PSMF1: variants seen among roughly 807,000 people sequenced by gnomAD.
PSMF1 encodes the protein proteasome inhibitor subunit 1.
In PSMF1, 30 loss-of-function variants were observed where a neutral mutation model predicts 29.3. The ratio of observed to expected loss-of-function variants is 1.02; its 90% CI spans 0.77 to 1.39. The LOEUF is 1.39. Ranked by LOEUF, PSMF1 falls within the 40% of genes most tolerant of loss-of-function variation. The pLI is 0.00. For synonymous variants in PSMF1, 134 were observed against 139.7 expected, an observed-to-expected ratio of 0.96 and a Z score of 0.29; for missense variants, 344 against 357.5, an observed-to-expected ratio of 0.96 and a Z score of 0.31.
At chr20:1,126,739 C>T (rs965216800) in intron 2 of PSMF1, among the ~76,000 whole-genome samples, 1 of 152,006 alleles carries the variant, frequency 6.6e-6, no homozygotes, top group African/African-American at 2.4e-5. Flanking sequence ...CTTAGCCGGG[C>T]GTGGTCGTGG....
chr20:1,138,023 A>G (rs2122520131), intron 4 of PSMF1, among the ~76,000 whole-genome samples: 1 of 152,342 alleles, frequency 6.6e-6, no homozygotes, highest in African/African-American at 2.4e-5. Context: ...TCATGATACT[A>G]TTCTTACTAT....
chr20:1,116,452 T>C (rs977125742), upstream of PSMF1, among the ~76,000 whole-genome samples: 5 of 151,982 alleles, frequency 3.3e-5, no homozygotes, highest in African/African-American at 1.2e-4. Flanking sequence ...GCAGAAGGGG[T>C]TCAAGAATCT....
upstream of PSMF1, among the ~76,000 whole-genome samples, chr20:1,113,938 G>T (rs184796839): frequency 6.6e-6 from 1 of 152,074 alleles, no homozygotes; most frequent in Non-Finnish European, 1.5e-5. Flanking sequence ...TGATCCGCCC[G>T]CCTCAGCCTC....
chr20:1,125,496 A>T lies in PSMF1; in HGVS notation c.130-2A>T. 1.2e-6 allele frequency: 2 copies of T among 1,604,432 alleles called. No homozygotes were observed. The highest frequency in any genetic ancestry group is 1.7e-6 in the Non-Finnish European group (2 of 1,175,526). On this transcript the variant is annotated splice_acceptor_variant, in intron 1 of 6. Coordinates refer to ENST00000335877, the MANE Select transcript of PSMF1 (RefSeq NM_006814.5). LOFTEE classifies it high-confidence loss of function. ...TTCTCCTCTCAACTGTGGTCTTCCCAGCCGGGTCCCAATGATAAGAAGTCA... is the reference window on the plus strand; with the variant it reads ...TTCTCCTCTCAACTGTGGTCTTCCCTGCCGGGTCCCAATGATAAGAAGTCA...
chr20:1,169,355 C>T lies in PSMF1; in HGVS notation c.*4275C>T, dbSNP rs2086767207. Reference sequence around the variant, plus strand: ...TTTGAACACCTCACGAGTGGTAGTGCCCATGGGAGGTGCGAAGTGGAAGGC... The same window carrying T: ...TTTGAACACCTCACGAGTGGTAGTGTCCATGGGAGGTGCGAAGTGGAAGGC... On this transcript the variant is annotated 3_prime_UTR_variant, in exon 7 of 7. Transcript: ENST00000335877. Among the ~76,000 whole-genome samples the T allele has an allele frequency of 6.6e-6, 1 of 152,092 alleles. No individual in the cohort carries two copies. Among genetic ancestry groups the T allele is most frequent in the Non-Finnish European group, 1.5e-5 (1 of 68,008 alleles).
chr20:1,157,579 C>T (rs2086609386), intron 4 of PSMF1, among the ~76,000 whole-genome samples: 1 of 118,866 alleles, frequency 8.4e-6, no homozygotes, highest in South Asian at 2.8e-4. Flanking sequence ...AATGAAGATG[C>T]TTTCTTAATT....
intron 4 of PSMF1, among the ~76,000 whole-genome samples, chr20:1,152,940 G>A (rs902067455): frequency 2.0e-5 from 3 of 152,170 alleles, no homozygotes; most frequent in Non-Finnish European, 4.4e-5. Flanking sequence ...TGTTTCCTTA[G>A]AATAGATTCC....
intron 4 of PSMF1, among the ~76,000 whole-genome samples, chr20:1,148,339 C>G (rs780594397): frequency 2.6e-5 from 4 of 152,198 alleles, no homozygotes; most frequent in Admixed American, 6.5e-5. Flanking sequence ...TCCAGCCTAA[C>G]TTTTCATTAT....
chr20:1,118,563 G>C (rs1234339099), upstream of PSMF1: 6 of 502,194 alleles, frequency 1.2e-5, no homozygotes, highest in East Asian at 2.0e-4. Flanking sequence ...CCAACCCGGC[G>C]CGCCTCACGC....
rs552235484 is a variant in PSMF1, at chr20:1,165,136, G to A, written c.*56G>A. 118 of 1,613,450 alleles carry A rather than the reference G, an allele frequency of 7.3e-5. No homozygotes were observed. Among genetic ancestry groups the A allele is most frequent in the South Asian group, 9.9e-5 (9 of 90,970 alleles). On this transcript the variant is annotated 3_prime_UTR_variant, in exon 7 of 7. Coordinates refer to ENST00000335877, the MANE Select transcript of PSMF1 (RefSeq NM_006814.5). ...CCTCCATTCTCCTGGAGCTGCCACC[G>A]CTGTCCCCATCAGCAACCATGTTCT...
Position 1,135,108 on chromosome 20 carries a change from C to G in PSMF1, c.366-13C>G, listed in dbSNP as rs373752676. On this transcript the variant is annotated splice_polypyrimidine_tract_variant and intron_variant, in intron 3 of 6. Coordinates refer to ENST00000335877, the MANE Select transcript of PSMF1 (RefSeq NM_006814.5). ...CAACTGCAAGCAGTTGACTCTTCAT[C>G]TGCTTCCTGCAGGACCTACAAGAAC... The G allele has an allele frequency of 1.2e-6, 2 of 1,613,978 alleles. No individual in the cohort carries two copies. The highest frequency in any genetic ancestry group is 1.1e-5 in the South Asian group (1 of 91,078).
At position 1,118,626 on chromosome 20, in the gene PSMF1, C is replaced by G. The variant is rs1400833829; in HGVS notation, c.-148C>G. ...CGGCTTCCCCGCCCCGCCCCGTCCCCGGGCGTCTCCATTTTGGTCTCAGGT... is the reference window on the plus strand; with the variant it reads ...CGGCTTCCCCGCCCCGCCCCGTCCCGGGGCGTCTCCATTTTGGTCTCAGGT... On this transcript the variant is annotated 5_prime_UTR_variant, in exon 1 of 7. Transcript: ENST00000335877. The G allele has an allele frequency of 1.0e-5, 10 of 968,118 alleles. No homozygotes were observed. The highest frequency in any genetic ancestry group is 1.3e-5 in the Non-Finnish European group (9 of 688,726). The allele number at this position is 968,118 out of a possible 1,614,324, so 60.0% of individuals were successfully genotyped here. A position where few individuals can be genotyped will look rare whatever the true frequency, so the allele number is the denominator to read the frequency against.
intron 3 of PSMF1, chr20:1,134,828 T>C: frequency 4.3e-6 from 2 of 463,762 alleles, no homozygotes; most frequent in Non-Finnish European, 8.0e-6. Flanking sequence ...GACAGAGGAG[T>C]AGCCAATCCA....
intron 4 of PSMF1, among the ~76,000 whole-genome samples, chr20:1,149,765 G>A (rs557747190): frequency 6.6e-6 from 1 of 152,246 alleles, no homozygotes; most frequent in Non-Finnish European, 1.5e-5. Flanking sequence ...GCCAGGTGTG[G>A]TGGCCCACAC....
chr20:1,164,475 G>T lies in PSMF1; in HGVS notation c.763G>T (p.Gly255Ter). 1 of 1,614,062 alleles carries T rather than the reference G, an allele frequency of 6.2e-7. No individual in the cohort carries two copies. The highest frequency in any genetic ancestry group is 8.5e-7 in the Non-Finnish European group (1 of 1,179,968). Residue 255 changes from glycine to a stop codon, truncating the protein, a stop_gained and splice_region_variant, in exon 6 of 7, where the codon GGA (glycine) becomes TGA (stop). Coordinates refer to ENST00000335877, the MANE Select transcript of PSMF1 (RefSeq NM_006814.5). LOFTEE classifies it high-confidence loss of function. This position sits in a 1 kb window ranked among gnomAD's most constrained non-coding sequence, Gnocchi z 4.1. ...PFGPIGTSPP[G>*]PNPDHLPPPG... ...TGGACCCATTGGGACCAGCCCACCC[G>T]GGTACGTAGTCACTCAGGTATGCTG...
At chr20:1,150,871 A>G (rs2086521937) in intron 4 of PSMF1, among the ~76,000 whole-genome samples, 1 of 152,174 alleles carries the variant, frequency 6.6e-6, no homozygotes, top group Non-Finnish European at 1.5e-5. Context: ...AAATCCTCAT[A>G]TATTTTCTCC....
intron 4 of PSMF1, among the ~76,000 whole-genome samples, chr20:1,147,904 T>G (rs924524492): frequency 6.6e-6 from 1 of 152,210 alleles, no homozygotes; most frequent in African/African-American, 2.4e-5. Flanking sequence ...GCACAGAAGC[T>G]GGCCTCTCTG....
intron 3 of PSMF1, among the ~76,000 whole-genome samples, chr20:1,130,287 A>G (rs552357235): frequency 1.3e-5 from 2 of 152,366 alleles, no homozygotes; most frequent in South Asian, 4.1e-4. Context: ...ACTTAACAGT[A>G]CTGAACACTT....
chr20:1,126,766 C>G (rs1410812998), intron 2 of PSMF1, among the ~76,000 whole-genome samples: 1 of 152,138 alleles, frequency 6.6e-6, no homozygotes, highest in African/African-American at 2.4e-5. Flanking sequence ...GTAATCCCAG[C>G]TACTTGGGAG....
Sources: gnomAD v4.1 joint callset for allele counts (sites outside exome capture counted in the v4.1 genomes callset) on GRCh38, gnomAD v4.1.1 for gene constraint, Gnocchi (gnomAD v3.1) non-coding constraint, MANE v1.5 for transcripts, NCBI Gene and HGNC (gene_info 2026-07-23, HGNC 2026-07-21) for gene names.